Variants in MACROD2 observed in about 807,000 individuals in gnomAD.
MACROD2 encodes mono-ADP ribosylhydrolase 2.
MACROD2 carries 36 observed loss-of-function variants against 70.4 expected under a neutral mutation model. The observed-to-expected ratio is 0.51, with a 90% CI of 0.39 to 0.68. The LOEUF (loss-of-function observed/expected upper bound fraction) is 0.68, where lower values mean the gene tolerates loss of function less well. Among genes scored for constraint, MACROD2 ranks in the 30% least tolerant of loss-of-function variants. The pLI is 0.00. For synonymous variants in MACROD2, 172 were observed against 178.8 expected, an observed-to-expected ratio of 0.96 and a Z score of 0.30; for missense variants, 496 against 538.4, an observed-to-expected ratio of 0.92 and a Z score of 0.78.
chr20:15,233,971 ATATATATTTATT>A lies in MACROD2; in HGVS notation c.540+3918_540+3929del, dbSNP rs1262938390. ...CCTTGGATCCAAAAAATTTATTTTT[ATATATATTTATT>A]TATATATATATATATATATATATAT... On this transcript the variant is annotated intron_variant, in intron 6 of 17. Transcript: ENST00000684519. 6.4e-3 allele frequency among the ~76,000 whole-genome samples: 318 copies of A among 49,938 alleles called. 15 individuals are homozygous for A. The highest frequency in any genetic ancestry group is 0.017 in the African/African-American group (200 of 11,926). 32.8% of individuals were successfully genotyped at this position (49,938 alleles called of 152,430 possible).
chr20:14,892,057 T>C (rs2073767847), intron 5 of MACROD2, among the ~76,000 whole-genome samples: 1 of 152,226 alleles, frequency 6.6e-6, no homozygotes, highest in Non-Finnish European at 1.5e-5. Flanking sequence ...ATAATCTATT[T>C]ACTCTCCTGG....
intron 8 of MACROD2, among the ~76,000 whole-genome samples, chr20:15,720,939 G>A (rs2091693535): frequency 6.6e-6 from 1 of 152,158 alleles, no homozygotes; most frequent in African/African-American, 2.4e-5. Flanking sequence ...GACCCATTAT[G>A]TTGGGGTTCT....
At chr20:14,942,869 G>A (rs1216703239) in intron 5 of MACROD2, among the ~76,000 whole-genome samples, 3 of 152,126 alleles carry the variant, frequency 2.0e-5, no homozygotes, top group African/African-American at 7.2e-5. Context: ...CTTCTATCCT[G>A]ACTACTTTAA....
chr20:14,390,983 G>A (rs1435820283), intron 3 of MACROD2, among the ~76,000 whole-genome samples: 4 of 147,530 alleles, frequency 2.7e-5, no homozygotes, highest in South Asian at 4.9e-4. Context: ...ACAGATGCTG[G>A]CAAGGTTGTG....
chr20:15,200,270 C>T (rs1425259126), intron 5 of MACROD2, among the ~76,000 whole-genome samples: 2 of 152,210 alleles, frequency 1.3e-5, no homozygotes, highest in South Asian at 2.1e-4. Context: ...TGAAACTTCA[C>T]ATGCTACTTT....
At chr20:14,537,375 G>T (rs2085378876) in intron 4 of MACROD2, among the ~76,000 whole-genome samples, 1 of 152,164 alleles carries the variant, frequency 6.6e-6, no homozygotes, top group African/African-American at 2.4e-5. Flanking sequence ...TATAGATCTT[G>T]TATAAAATAG....
intron 15 of MACROD2, among the ~76,000 whole-genome samples, chr20:16,016,982 C>T (rs1017168098): frequency 6.6e-6 from 1 of 152,208 alleles, no homozygotes; most frequent in Non-Finnish European, 1.5e-5. Context: ...TCAACCTAAT[C>T]AAAACTACCT....
At chr20:15,130,458 C>G (rs1458097029) in intron 5 of MACROD2, among the ~76,000 whole-genome samples, 1 of 151,908 alleles carries the variant, frequency 6.6e-6, no homozygotes, top group Non-Finnish European at 1.5e-5. Context: ...CCTGAAAACA[C>G]CCTACTCTCA....
chr20:14,698,791 TTTAA>T (rs2071158209), intron 5 of MACROD2, among the ~76,000 whole-genome samples: 2 of 149,124 alleles, frequency 1.3e-5, no homozygotes, highest in Non-Finnish European at 3.0e-5. Flanking sequence ...AATAATTACA[TTTAA>T]TTATTTTAAT....
At chr20:14,011,714 A>C (rs1465497594) in intron 2 of MACROD2, among the ~76,000 whole-genome samples, 1 of 151,982 alleles carries the variant, frequency 6.6e-6, no homozygotes, top group Non-Finnish European at 1.5e-5. Context: ...ATTTTTTAGT[A>C]GAGACAGGGT....
chr20:15,871,088 A>G (rs915474569), intron 9 of MACROD2, among the ~76,000 whole-genome samples: 4 of 148,532 alleles, frequency 2.7e-5, no homozygotes, highest in Admixed American at 6.9e-5. Context: ...AGGCAGGAGA[A>G]TTGCTTGAAC....
intron 1 of MACROD2, among the ~76,000 whole-genome samples, chr20:13,998,134 G>A (rs1337943674): frequency 6.6e-6 from 1 of 152,192 alleles, no homozygotes; most frequent in East Asian, 1.9e-4. Context: ...TAAAGGTGAA[G>A]CATTCTTTAA....
chr20:15,183,461 G>A (rs75636262), intron 5 of MACROD2, among the ~76,000 whole-genome samples: 12,311 of 151,836 alleles, frequency 0.081, 635 homozygotes, highest in Admixed American at 0.12. Flanking sequence ...AGGAGTCTGA[G>A]GCTGCACACT....
chr20:14,812,475 C>T (rs1030625281), intron 5 of MACROD2, among the ~76,000 whole-genome samples: 7 of 151,684 alleles, frequency 4.6e-5, no homozygotes, highest in South Asian at 2.1e-4. Context: ...ATGTAGGTGA[C>T]GGGATGCTAG....
At chr20:14,874,459 A>G (rs1448596838) in intron 5 of MACROD2, among the ~76,000 whole-genome samples, 1 of 151,134 alleles carries the variant, frequency 6.6e-6, no homozygotes, top group Non-Finnish European at 1.5e-5. Flanking sequence ...GGTGAATTTC[A>G]TTGGATTACT....
At chr20:14,871,144 C>G (rs2073483182) in intron 5 of MACROD2, among the ~76,000 whole-genome samples, 1 of 152,018 alleles carries the variant, frequency 6.6e-6, no homozygotes, top group African/African-American at 2.4e-5. Flanking sequence ...GGAAGGCCAA[C>G]AAATTCAGGA....
chr20:15,408,532 G>T (rs1175935043), intron 6 of MACROD2, among the ~76,000 whole-genome samples: 2 of 152,176 alleles, frequency 1.3e-5, no homozygotes, highest in African/African-American at 4.8e-5. Context: ...AAATGAGGAA[G>T]GGGCAAAGTG....
intron 8 of MACROD2, among the ~76,000 whole-genome samples, chr20:15,734,816 A>G (rs570798301): frequency 6.6e-6 from 1 of 152,384 alleles, no homozygotes; most frequent in African/African-American, 2.4e-5. Context: ...AATGAAATAC[A>G]TTCAATTCTG....
intron 5 of MACROD2, among the ~76,000 whole-genome samples, chr20:15,000,685 A>G (rs568408237): frequency 4.8e-5 from 7 of 145,250 alleles, no homozygotes; most frequent in African/African-American, 1.8e-4. Context: ...GGAAATGTTC[A>G]TTTTGTGAAA....
Sources: gnomAD v4.1 joint callset for allele counts (sites outside exome capture counted in the v4.1 genomes callset) on GRCh38, gnomAD v4.1.1 for gene constraint, MANE v1.5 for transcripts, NCBI Gene and HGNC (gene_info 2026-07-23, HGNC 2026-07-21) for gene names.